The following ABCA9 variants were observed in gnomAD, a reference collection of about 807,000 sequenced individuals.
ABCA9 encodes the protein ATP-binding cassette sub-family A member 9.
ABCA9 carries 183 observed loss-of-function variants against 205.3 expected under a neutral mutation model. The observed-to-expected ratio is 0.89, with a 90% confidence interval of 0.79 to 1.01. The LOEUF is 1.01. Ranked by LOEUF, ABCA9 falls within the 50% of genes least tolerant of loss-of-function variation. The pLI, the probability that ABCA9 is intolerant of heterozygous loss-of-function variation, is 0.00. For missense variants in ABCA9, 1,805 were observed against 1,912.4 expected (o/e 0.94, Z 1.05); for synonymous variants, 651 against 683.3 (o/e 0.95, Z 0.74).
rs1019314263 is a variant in ABCA9 at position 69,002,939 on chromosome 17, C to T, written c.3435+4820G>A. On this transcript the variant is annotated intron_variant, in intron 25 of 38. Transcript: ENST00000340001. Reference sequence around the variant, plus strand: ...GTTTTATCAGAGACTAGGATTGCAACCCCTGCCTTTTTTTGTTTTCCATTT... The same window carrying T: ...GTTTTATCAGAGACTAGGATTGCAATCCCTGCCTTTTTTTGTTTTCCATTT... Among the ~76,000 whole-genome samples, 3 of 143,794 alleles carry T rather than the reference C, an allele frequency of 2.1e-5. No individual in the cohort carries two copies. The East Asian group carries it at 5.9e-4, about 28-fold the overall frequency. 94.3% of individuals were successfully genotyped at this position (143,794 alleles called of 152,430 possible).
intron 22 of ABCA9, among the ~76,000 whole-genome samples, chr17:69,013,794 G>T (rs1395626368): frequency 1.3e-5 from 2 of 151,972 alleles, no homozygotes; most frequent in African/African-American, 4.8e-5. Flanking sequence ...TTATTGAGAG[G>T]GATCAGCAGC....
intron 37 of ABCA9, 104 bp downstream of exon 37, chr17:68,982,458 A>G (rs1001161267): frequency 2.3e-6 from 2 of 875,798 alleles, no homozygotes; most frequent in Non-Finnish European, 3.7e-6. Flanking sequence ...TATTAATGAT[A>G]TAACAGCATA....
intron 6 of ABCA9, among the ~76,000 whole-genome samples, chr17:69,040,281 C>A (rs1397418991): frequency 6.6e-6 from 1 of 152,140 alleles, no homozygotes; most frequent in Non-Finnish European, 1.5e-5. Flanking sequence ...GCACTATTCA[C>A]AATGGCAAAG....
intron 28 of ABCA9, among the ~76,000 whole-genome samples, chr17:68,991,734 A>G (rs1013389979): frequency 6.6e-6 from 1 of 152,188 alleles, no homozygotes; most frequent in Admixed American, 6.5e-5. Flanking sequence ...TTCTGTTTCA[A>G]GATCCTCCAA....
chr17:69,040,482 C>T (rs1300485760), intron 6 of ABCA9, among the ~76,000 whole-genome samples: 2 of 152,148 alleles, frequency 1.3e-5, no homozygotes, highest in South Asian at 2.1e-4. Context: ...CATGTTCTCA[C>T]TCAAAAGTGA....
At position 69,029,184 on chromosome 17, in the gene ABCA9, C is replaced by CT; in HGVS notation, c.1488dup (p.Val497SerfsTer10). 1 of 1,557,472 alleles carries CT rather than the reference C, an allele frequency of 6.4e-7. No homozygotes were observed. Among genetic ancestry groups the CT allele is most frequent in the South Asian group, 1.2e-5 (1 of 85,724 alleles). On this transcript the variant is annotated frameshift_variant, in exon 11 of 39. Transcript: ENST00000340001. LOFTEE classifies it high-confidence loss of function. ...ATTTTATTACCTTTCAAAGCTTCTA[C>CT]TCTCTCACACTTCCCTGCATATTCT...
chr17:68,998,677 G>A (rs2069721497), intron 25 of ABCA9, among the ~76,000 whole-genome samples: 1 of 151,938 alleles, frequency 6.6e-6, no homozygotes, highest in Non-Finnish European at 1.5e-5. Context: ...GATTGGTTTT[G>A]TATTTACATC....
At chr17:68,980,486 G>A (rs1448715255) in intron 37 of ABCA9, among the ~76,000 whole-genome samples, 28 of 152,060 alleles carry the variant, frequency 1.8e-4, no homozygotes, top group South Asian at 4.2e-4. Flanking sequence ...ACATGCACAC[G>A]TATGTTTATT....
chr17:69,072,477 T>A, the ABCA9 span, among the ~76,000 whole-genome samples: 1 of 152,154 alleles, frequency 6.6e-6, no homozygotes, highest in Non-Finnish European at 1.5e-5. Flanking sequence ...CAACCCAGAA[T>A]TTCATATCCA....
At chr17:69,078,225 GAC>G in the ABCA9 span, among the ~76,000 whole-genome samples, 4 of 47,292 alleles carry the variant, frequency 8.5e-5, no homozygotes, top group African/African-American at 2.3e-4. Flanking sequence ...TTTTTTTTTT[GAC>G]AGAGTCTCAC....
At chr17:69,051,177 G>A (rs989886574) in intron 1 of ABCA9, 38 bp from the exon 2 acceptor site, 24 of 1,566,614 alleles carry the variant, frequency 1.5e-5, no homozygotes, top group Non-Finnish European at 1.9e-5. Flanking sequence ...TACATGTGAA[G>A]GTCTAAAGTA....
At chr17:68,992,460 C>T (rs971714010) in intron 27 of ABCA9, 194 bp from the exon 28 acceptor site, 2 of 412,448 alleles carry the variant, frequency 4.8e-6, no homozygotes, top group Non-Finnish European at 8.7e-6. Context: ...GAGAGCCTAA[C>T]AGAAATATAA....
chr17:69,017,816 G>T, intron 20 of ABCA9, 27 bp from the exon 21 acceptor site: 1 of 1,603,718 alleles, frequency 6.2e-7, no homozygotes, highest in Non-Finnish European at 8.5e-7. Context: ...ATTAAAGGAA[G>T]CAAAAATGAA....
chr17:68,986,726 TC>T (rs1359746056), intron 31 of ABCA9: 1 of 157,456 alleles, frequency 6.4e-6, no homozygotes, highest in African/African-American at 2.4e-5. Flanking sequence ...GGAATCCTCC[TC>T]CTAGGGGATA....
rs1598398351 is a variant in ABCA9, at chr17:69,035,358, A to G, written c.1016T>C (p.Ile339Thr). The G allele has an allele frequency of 1.2e-6, 2 of 1,610,098 alleles. No individual in the cohort carries two copies. The highest frequency in any genetic ancestry group is 1.7e-6 in the Non-Finnish European group (2 of 1,177,852). Residue 339 changes from isoleucine (I) to threonine (T), a missense_variant, in exon 8 of 39, where the codon ATT (isoleucine) becomes ACT (threonine). Coordinates refer to ENST00000340001, the MANE Select transcript of ABCA9 (RefSeq NM_080283.4). ...FLTGLVVFLL[I>T]VFWGILGFPA... ...GAATCCCAGGATCCCCCAAAAGACA[A>G]TAAGGAGAAACACAACCAAGCCCGT... is the stretch of plus-strand genomic sequence containing the variant.
chr17:68,983,626 G>A lies in ABCA9; in HGVS notation c.4640+83C>T. 3.2e-6 allele frequency: 5 copies of A among 1,545,366 alleles called. No homozygotes were observed. The South Asian group carries it at 6.1e-5, about 19-fold the overall frequency. ...TTACCATAGAGTTAAAGAACGAGAA[G>A]ATAAAGCTCTTATTCCGTCATCATA... On this transcript the variant is annotated intron_variant, in intron 36 of 38. Transcript: ENST00000340001.
At position 68,992,228 on chromosome 17, in the gene ABCA9, T is replaced by C. The variant is rs758950129; in HGVS notation, c.3663A>G (p.Arg1221=). The change falls in exon 28 of 39, where the codon CGA becomes CGG. Residue 1221 remains arginine, a synonymous_variant. Coordinates refer to ENST00000340001, the MANE Select transcript of ABCA9 (RefSeq NM_080283.4). ...LHFLIFLFIL[R]CLEMNCRKKL... ...TCTTCCTGCAGTTCATTTCTAGGCA[T>C]CGCAGAATGAAAAGAAAAATGAGAA... is the stretch of plus-strand genomic sequence containing the variant. The C allele has an allele frequency of 4.4e-6, 7 of 1,599,962 alleles. 1 individual carries two copies. Among genetic ancestry groups the C allele is most frequent in the Middle Eastern group, 3.3e-4 (2 of 6,028 alleles).
chr17:69,021,142 A>G (rs1209083480), intron 18 of ABCA9, among the ~76,000 whole-genome samples: 9 of 152,132 alleles, frequency 5.9e-5, no homozygotes, highest in Non-Finnish European at 1.3e-4. Flanking sequence ...TAACAAGTAT[A>G]TAACTTCAAA....
In ABCA9 at chr17:69,008,073, G is replaced by C. The variant is rs565411916; in HGVS notation, c.3310C>G (p.Leu1104Val). ...PEEIIFIIQNLLIQILCSIGY... is the reference protein window; with the variant it reads ...PEEIIFIIQNVLIQILCSIGY... The stretch of plus-strand genomic sequence containing the variant: ...TTGCTGCCACTTACTTGAATTAACA[G>C]GTTTTGAATTATAAATATAATCTCC... Residue 1104 changes from leucine (L) to valine (V), a missense_variant, in exon 24 of 39, where the codon CTG (leucine) becomes GTG (valine). Physicochemically the swap from Leu to Val is conservative, Grantham distance 32. Transcript: ENST00000340001. 2 of 1,605,352 alleles carry C rather than the reference G, an allele frequency of 1.2e-6. No individual in the cohort carries two copies. The highest frequency in any genetic ancestry group is 1.7e-5 in the Admixed American group (1 of 58,296).
Sources: allele counts gnomAD v4.1 joint callset (sites outside exome capture counted in the v4.1 genomes callset), GRCh38; gene constraint gnomAD v4.1.1; transcripts MANE v1.5; gene names NCBI Gene and HGNC (gene_info 2026-07-23, HGNC 2026-07-21).